The following GRIK2 variants were observed in gnomAD, a reference collection of about 807,000 sequenced individuals.
GRIK2 encodes the protein glutamate receptor ionotropic, kainate 2.
Under a neutral mutation model 100.3 loss-of-function variants are expected in GRIK2, and 32 were observed. That is an observed-to-expected ratio of 0.32 (90% CI 0.24 to 0.43). GRIK2 has a LOEUF of 0.43. Ranked by LOEUF, GRIK2 falls within the 20% of genes least tolerant of loss-of-function variation. The pLI is 1.00. For missense variants in GRIK2, 843 were observed against 1,114.9 expected (o/e 0.76, Z 3.47); for synonymous variants, 417 against 389.4 (o/e 1.07, Z -0.83).
intron 2 of GRIK2, among the ~76,000 whole-genome samples, chr6:101,509,354 AC>A (rs1774186988): frequency 6.6e-6 from 1 of 152,132 alleles, no homozygotes; most frequent in African/African-American, 2.4e-5. Flanking sequence ...GATTTGTTTT[AC>A]TGAGCGATTA....
chr6:101,903,912 T>C (rs1788045412), intron 12 of GRIK2, among the ~76,000 whole-genome samples: 1 of 151,582 alleles, frequency 6.6e-6, no homozygotes, highest in South Asian at 2.1e-4. Flanking sequence ...GGGGAAAATA[T>C]CTCTATGATC....
In GRIK2 at chr6:101,692,686, T is replaced by G. The variant is rs527736489; in HGVS notation, c.951+6333T>G. On this transcript the variant is annotated intron_variant, in intron 7 of 16. Transcript: ENST00000369134. Reference sequence around the variant, plus strand: ...ATGATAGCAAGAGACACACATATATTTACCAAGAATTTAACATAACTTCTT... The same window carrying G: ...ATGATAGCAAGAGACACACATATATGTACCAAGAATTTAACATAACTTCTT... 2.6e-5 allele frequency among the ~76,000 whole-genome samples: 4 copies of G among 152,174 alleles called. No individual in the cohort carries two copies. In the East Asian group the frequency reaches 7.7e-4, roughly 29 times the overall value.
chr6:101,862,852 T>G (rs1212364137), intron 11 of GRIK2, among the ~76,000 whole-genome samples: 1 of 152,204 alleles, frequency 6.6e-6, no homozygotes, highest in Non-Finnish European at 1.5e-5. Flanking sequence ...TTCCTTTATG[T>G]ACTAATAATC....
intron 4 of GRIK2, among the ~76,000 whole-genome samples, chr6:101,674,361 G>T (rs1770668584): frequency 1.3e-5 from 2 of 152,274 alleles, no homozygotes; most frequent in South Asian, 4.1e-4. Context: ...CAAAGTGTAG[G>T]AACTACTGAC....
chr6:101,404,464 G>A (rs188326960), intron 2 of GRIK2, among the ~76,000 whole-genome samples: 1 of 152,312 alleles, frequency 6.6e-6, no homozygotes, highest in East Asian at 1.9e-4. Context: ...TCAGGTGAGA[G>A]AAATTACTTC....
At chr6:101,934,319 A>G (rs545584497) in intron 14 of GRIK2, among the ~76,000 whole-genome samples, 2 of 151,876 alleles carry the variant, frequency 1.3e-5, no homozygotes, top group Admixed American at 6.6e-5. Context: ...GATTATATTA[A>G]GTTTCTAAAA....
rs1006423305 is a variant in GRIK2 at position 101,818,422 on chromosome 6, G to T, written c.1256G>T (p.Gly419Val). 2 of 1,612,492 alleles carry T rather than the reference G, an allele frequency of 1.2e-6. No homozygotes were observed. The highest frequency in any genetic ancestry group is 1.7e-6 in the Non-Finnish European group (2 of 1,178,626). Residue 419 changes from glycine (G) to valine (V), a missense_variant, in exon 10 of 17, where the codon GGA becomes GTA. Gly to Val is a moderately radical substitution (Grantham distance 109). Transcript: ENST00000369134. ...CTGAATATGACAGAAAGTCAAAAGG[G>T]AAAGCCAGCGAACATCACAGATTCC... ...SGLNMTESQK[G>V]KPANITDSLS...
intron 2 of GRIK2, among the ~76,000 whole-genome samples, chr6:101,402,925 A>G (rs1775400951): frequency 6.6e-6 from 1 of 152,178 alleles, no homozygotes; most frequent in Admixed American, 6.5e-5. Flanking sequence ...GGTGTGACCA[A>G]TTCCACGGCC....
chr6:101,514,985 G>T (rs2128279433), intron 2 of GRIK2, among the ~76,000 whole-genome samples: 1 of 152,020 alleles, frequency 6.6e-6, no homozygotes, highest in African/African-American at 2.4e-5. Context: ...CAAGATTTTA[G>T]TGCACCCATC....
intron 2 of GRIK2, among the ~76,000 whole-genome samples, chr6:101,458,128 C>T (rs1351516175): frequency 6.6e-6 from 1 of 151,528 alleles, no homozygotes; most frequent in Non-Finnish European, 1.5e-5. Flanking sequence ...TTTATTATTG[C>T]TATGATGCTG....
chr6:101,834,852 A>T lies in GRIK2; in HGVS notation c.1317+16369A>T, dbSNP rs888728171. 6.6e-5 allele frequency among the ~76,000 whole-genome samples: 10 copies of T among 152,202 alleles called. No individual in the cohort carries two copies. In the East Asian group the frequency reaches 1.4e-3, roughly 21 times the overall value. On this transcript the variant is annotated intron_variant, in intron 10 of 16. Coordinates refer to ENST00000369134, the MANE Select transcript of GRIK2 (RefSeq NM_021956.5). ...TATTACTACAAATAATAAAATAAAAAAAAATAGCCAGGAATTTTGACATGC... is the reference window on the plus strand; with the variant it reads ...TATTACTACAAATAATAAAATAAAATAAAATAGCCAGGAATTTTGACATGC...
At chr6:101,573,456 T>C (rs1210967245) in intron 2 of GRIK2, among the ~76,000 whole-genome samples, 1 of 152,166 alleles carries the variant, frequency 6.6e-6, no homozygotes, top group Non-Finnish European at 1.5e-5. Flanking sequence ...AGATACACAT[T>C]CCTCTTTAAT....
intron 12 of GRIK2, among the ~76,000 whole-genome samples, chr6:101,911,495 G>A (rs558794155): frequency 2.8e-4 from 43 of 151,530 alleles, no homozygotes; most frequent in African/African-American, 1.0e-3. Context: ...TTTATTTTGG[G>A]AGATGCTGAC....
intron 2 of GRIK2, among the ~76,000 whole-genome samples, chr6:101,504,198 A>G (rs1323200058): frequency 1.3e-5 from 2 of 150,022 alleles, no homozygotes; most frequent in African/African-American, 4.8e-5. Flanking sequence ...TGTTTAGCAT[A>G]CTTTCCTGAG....
chr6:101,492,328 C>T (rs1481128715), intron 2 of GRIK2, among the ~76,000 whole-genome samples: 1 of 151,798 alleles, frequency 6.6e-6, no homozygotes, highest in Non-Finnish European at 1.5e-5. Flanking sequence ...ACAGTTCCTC[C>T]TAAAATGTAA....
At chr6:101,430,983 C>T (rs1403386857) in intron 2 of GRIK2, 5 of 270,370 alleles carry the variant, frequency 1.8e-5, no homozygotes, top group Admixed American at 1.1e-4. Flanking sequence ...GTGTAAGTGA[C>T]CCCATCTCCA....
chr6:101,753,312 A>G (rs1456997924), intron 7 of GRIK2, among the ~76,000 whole-genome samples: 1 of 151,346 alleles, frequency 6.6e-6, no homozygotes. Flanking sequence ...AGAAAATAAC[A>G]CGATCACCAT....
intron 7 of GRIK2, among the ~76,000 whole-genome samples, chr6:101,698,106 T>C (rs1772628003): frequency 6.6e-6 from 1 of 152,130 alleles, no homozygotes. Context: ...ATTTTAATGC[T>C]CTGGGTGAGA....
At chr6:101,448,834 GC>G (rs1366625496) in intron 2 of GRIK2, among the ~76,000 whole-genome samples, 4 of 151,598 alleles carry the variant, frequency 2.6e-5, no homozygotes, top group Non-Finnish European at 5.9e-5. Flanking sequence ...GAAGCATATG[GC>G]TAGAAAGTCC....
Sources: allele counts gnomAD v4.1 joint callset (sites outside exome capture counted in the v4.1 genomes callset), GRCh38; gene constraint gnomAD v4.1.1; transcripts MANE v1.5; gene names NCBI Gene and HGNC (gene_info 2026-07-23, HGNC 2026-07-21).